NLRC3: variants seen among roughly 807,000 people sequenced by gnomAD.
NLRC3 encodes NLR family CARD domain containing 3.
In NLRC3, 87 loss-of-function variants were observed where a neutral mutation model predicts 91.6. The ratio of observed to expected loss-of-function variants is 0.95; its 90% CI spans 0.80 to 1.14. The LOEUF is 1.14. NLRC3 is among the 50% of genes most tolerant of loss of function. The pLI is 0.00. For missense variants in NLRC3, 1,577 were observed against 1,418.6 expected (o/e 1.11, Z -1.79); for synonymous variants, 694 against 625.3 (o/e 1.11, Z -1.64).
Position 3,563,310 on chromosome 16 carries a change from G to A in NLRC3, c.1627C>T (p.Arg543Trp), listed in dbSNP as rs772005347. The A allele has an allele frequency of 5.3e-5, 85 of 1,598,828 alleles. No individual in the cohort carries two copies. The highest frequency in any genetic ancestry group is 1.0e-4 in the Admixed American group (6 of 58,562). Reference protein sequence around the residue: ...LLAQGEHQAYRTQVAELLQGC... With the variant: ...LLAQGEHQAYWTQVAELLQGC... ...TGCAGGAGCTCAGCCACCTGGGTCC[G>A]GTAGGCCTGGTGCTCGCCTTGGGCC... is the stretch of plus-strand genomic sequence containing the variant. The change falls in exon 5 of 20, where the codon CGG becomes TGG. Residue 543 changes from arginine to tryptophan, a missense_variant. Transcript: ENST00000359128.
chr16:3,571,475 C>T (rs1199254817), intron 1 of NLRC3, among the ~76,000 whole-genome samples: 1 of 146,796 alleles, frequency 6.8e-6, no homozygotes, highest in Non-Finnish European at 1.5e-5. Flanking sequence ...GCTCAGGAGG[C>T]TGAGGCTGCA....
chr16:3,563,470 C>A lies in NLRC3; in HGVS notation c.1467G>T (p.Leu489=). The change falls in exon 5 of 20, where the codon CTG becomes CTT. Residue 489 remains leucine (L), a synonymous_variant. Transcript: ENST00000359128. ...FTESGVSWPR[L]GFLTHFRSAA... ...CGCTCCTGAAATGCGTGAGGAAGCC[C>A]AGCCTGGGCCAGGATACGCCGCTCT... The A allele has an allele frequency of 6.3e-7, 1 of 1,585,554 alleles. No homozygotes were observed.
intron 5 of NLRC3, among the ~76,000 whole-genome samples, chr16:3,562,368 C>G (rs558529864): frequency 1.3e-5 from 2 of 152,260 alleles, no homozygotes; most frequent in African/African-American, 4.8e-5. Flanking sequence ...TGGCCAGGTG[C>G]AGTGGCTCAG....
chr16:3,546,062 G>A (rs1354383439), intron 15 of NLRC3, among the ~76,000 whole-genome samples: 1 of 152,104 alleles, frequency 6.6e-6, no homozygotes, highest in African/African-American at 2.4e-5. Context: ...GGATGGCAGG[G>A]ACACAGAGGG....
chr16:3,564,458 CG>C lies in NLRC3; in HGVS notation c.478del (p.Arg160AlafsTer18). 6.2e-7 allele frequency: 1 copy of C among 1,612,594 alleles called. No homozygotes were observed. The highest frequency in any genetic ancestry group is 8.5e-7 in the Non-Finnish European group (1 of 1,179,872). On this transcript the variant is annotated frameshift_variant, in exon 5 of 20. Transcript: ENST00000359128. LOFTEE classifies it high-confidence loss of function. This position sits in a 1 kb window ranked among gnomAD's most constrained non-coding sequence, Gnocchi z 5.9. ...GCCGACCTGCCCATGGGCCCAGAGGCGGACGAAGTGCCTCACCAGGGTGGTC... is the reference window on the plus strand; with the variant it reads ...GCCGACCTGCCCATGGGCCCAGAGGCGACGAAGTGCCTCACCAGGGTGGTC... ...GKTTLVRHFV[R>X]LWAHGQVGKD... is the part of the protein sequence containing the mutation.
intron 1 of NLRC3, among the ~76,000 whole-genome samples, chr16:3,571,033 T>C (rs753423193): frequency 9.9e-5 from 15 of 152,094 alleles, no homozygotes; most frequent in Non-Finnish European, 2.2e-4. Context: ...CAAGAATAGA[T>C]ACATAAGTCA....
chr16:3,542,901 G>A (rs1026927583), intron 17 of NLRC3, 126 bp from the exon 18 acceptor site: 8 of 644,142 alleles, frequency 1.2e-5, no homozygotes, highest in Non-Finnish European at 1.9e-5. Context: ...AGGAGGCCAG[G>A]GCTGTGCCTT....
intron 18 of NLRC3, 83 bp downstream of exon 18, chr16:3,542,609 C>A: frequency 1.3e-6 from 1 of 778,690 alleles, no homozygotes; most frequent in South Asian, 1.6e-5. Flanking sequence ...CAGAAGAAAT[C>A]AGGAGCATTT....
intron 19 of NLRC3, 35 bp downstream of exon 19, chr16:3,542,149 GAAGCAGT>G: frequency 7.2e-7 from 1 of 1,381,974 alleles, no homozygotes; most frequent in Non-Finnish European, 1.0e-6. Flanking sequence ...GCGCCACCTG[GAAGCAGT>G]TCTAAGGGTG....
At chr16:3,553,227 CTT>C (rs1428241660) in intron 9 of NLRC3, among the ~76,000 whole-genome samples, 4 of 152,222 alleles carry the variant, frequency 2.6e-5, no homozygotes, top group Non-Finnish European at 5.9e-5. Context: ...GCCTCTGTCC[CTT>C]TAAGATGTAT....
At position 3,565,048 on chromosome 16, in the gene NLRC3, T is replaced by A; in HGVS notation, c.-12A>T. ...TCTTGCTTCCTCATGGAGTCGGGGATCACCTCCAGGAGCTGTGAAGAGAGG... is the reference window on the plus strand; with the variant it reads ...TCTTGCTTCCTCATGGAGTCGGGGAACACCTCCAGGAGCTGTGAAGAGAGG... On this transcript the variant is annotated 5_prime_UTR_variant, in exon 4 of 20. Coordinates refer to ENST00000359128, the MANE Select transcript of NLRC3 (RefSeq NM_178844.4). 6.2e-7 allele frequency: 1 copy of A among 1,606,926 alleles called. No homozygotes were observed. The highest frequency in any genetic ancestry group is 1.1e-5 in the South Asian group (1 of 90,916).
chr16:3,566,101 C>CAAAAAAAA (rs1027448717), intron 2 of NLRC3, among the ~76,000 whole-genome samples: 44 of 21,310 alleles, frequency 2.1e-3, no homozygotes, highest in East Asian at 5.6e-3. Flanking sequence ...GAGCAAAAAG[C>CAAAAAAAA]AAAAAAAAAA....
chr16:3,551,119 A>T (rs1291955422), intron 10 of NLRC3, among the ~76,000 whole-genome samples: 1 of 151,462 alleles, frequency 6.6e-6, no homozygotes, highest in East Asian at 1.9e-4. Flanking sequence ...CCACCCATCC[A>T]TCCATTTGTC....
chr16:3,549,893 G>C (rs2038905754), intron 11 of NLRC3, 113 bp from the exon 12 acceptor site: 1 of 660,474 alleles, frequency 1.5e-6, no homozygotes, highest in African/African-American at 1.8e-5. Flanking sequence ...GGGGCTCCAG[G>C]GACAGTGGTG....
chr16:3,550,815 A>C lies in NLRC3; in HGVS notation c.2352-318T>G, dbSNP rs575188296. Among the ~76,000 whole-genome samples the C allele has an allele frequency of 8.8e-4, 134 of 152,328 alleles. 1 individual carries two copies. Among genetic ancestry groups the C allele is most frequent in the African/African-American group, 3.1e-3 (130 of 41,566 alleles). ...TTCTTCTGCCAGCTGGGAAGACAGT[A>C]AATGTGAGCCCGAGAAGGTTGGGGT... is the stretch of plus-strand genomic sequence containing the variant. On this transcript the variant is annotated intron_variant, in intron 10 of 19. Transcript: ENST00000359128.
At chr16:3,548,855 C>T in intron 13 of NLRC3, 102 bp from the exon 14 acceptor site, 1 of 810,286 alleles carries the variant, frequency 1.2e-6, no homozygotes, top group Non-Finnish European at 2.0e-6. Context: ...ATCACCCAGC[C>T]AGCACGAGGG....
chr16:3,568,001 G>T (rs1349015303), intron 1 of NLRC3, among the ~76,000 whole-genome samples: 1 of 151,660 alleles, frequency 6.6e-6, no homozygotes, highest in Non-Finnish European at 1.5e-5. Flanking sequence ...AAGTATCTGG[G>T]ATTACAGGCA....
intron 1 of NLRC3, among the ~76,000 whole-genome samples, chr16:3,575,843 G>A (rs1442947065): frequency 1.3e-5 from 2 of 152,192 alleles, no homozygotes; most frequent in Non-Finnish European, 2.9e-5. Flanking sequence ...GCCTACCTGG[G>A]CTGCCAGTAT....
rs1238356917 is a variant in NLRC3 at position 3,554,257 on chromosome 16, G to T, written c.2252C>A (p.Thr751Asn). ...SMAEALASNR[T>N]LSMLHLQKNS... is the part of the protein sequence containing the mutation. ...GTTCACTCACTGCAGCATGGAGAGG[G>T]TCCGGTTGGAGGCCAAGGCCTCAGC... Residue 751 changes from threonine (T) to asparagine (N), a missense_variant, in exon 9 of 20, where the codon ACC becomes AAC. By Grantham distance (65) the Thr-to-Asn change is moderately conservative (BLOSUM62 0). Transcript: ENST00000359128. 2 of 1,612,696 alleles carry T rather than the reference G, an allele frequency of 1.2e-6. No individual in the cohort carries two copies. The highest frequency in any genetic ancestry group is 4.5e-5 in the East Asian group (2 of 44,866).
Sources: gnomAD v4.1 joint callset for allele counts (sites outside exome capture counted in the v4.1 genomes callset) on GRCh38, gnomAD v4.1.1 for gene constraint, Gnocchi (gnomAD v3.1) non-coding constraint, MANE v1.5 for transcripts, NCBI Gene and HGNC (gene_info 2026-07-23, HGNC 2026-07-21) for gene names.